Variants in RIMKLA observed in about 807,000 individuals in gnomAD.
RIMKLA encodes the protein N-acetylaspartylglutamate synthase A.
A neutral mutation model predicts 32.7 loss-of-function variants in RIMKLA; 14 were observed. The observed-to-expected ratio is 0.43, with a 90% CI of 0.28 to 0.67. The LOEUF (loss-of-function observed/expected upper bound fraction) is 0.67, where lower values mean the gene tolerates loss of function less well. RIMKLA is among the 30% of genes least tolerant of loss of function. RIMKLA has a pLI of 0.18. For missense variants in RIMKLA, 410 were observed against 519.0 expected (o/e 0.79, Z 2.04); for synonymous variants, 176 against 204.1 (o/e 0.86, Z 1.18).
At position 42,424,000 on chromosome 1, in the gene RIMKLA, C is replaced by G. The variant is rs1202116231; in HGVS notation, c.*9026C>G. 6.6e-6 allele frequency among the ~76,000 whole-genome samples: 1 copy of G among 152,128 alleles called. No individual in the cohort carries two copies. Among genetic ancestry groups the G allele is most frequent in the Non-Finnish European group, 1.5e-5 (1 of 68,038 alleles). The stretch of plus-strand genomic sequence containing the variant: ...AACCTTGGAGTGGCAGCACTTGTGT[C>G]ACATCTAAAGGCACTCCTCTGACTA... On this transcript the variant is annotated 3_prime_UTR_variant, in exon 5 of 5. Coordinates refer to ENST00000431473, the MANE Select transcript of RIMKLA (RefSeq NM_173642.4).
intron 1 of RIMKLA, among the ~76,000 whole-genome samples, chr1:42,389,892 C>T (rs1557751533): frequency 6.6e-6 from 1 of 151,918 alleles, no homozygotes; most frequent in Non-Finnish European, 1.5e-5. Flanking sequence ...GCATTAGCAA[C>T]CCCAATAAGA....
In RIMKLA at chr1:42,423,668, A is replaced by C. The variant is rs1296051531; in HGVS notation, c.*8694A>C. ...TCTTGGGATTTCCTCTCCTCAAAGA[A>C]TAAGCCTGTGACACTTCCCCTTCTA... On this transcript the variant is annotated 3_prime_UTR_variant, in exon 5 of 5. Transcript: ENST00000431473. Among the ~76,000 whole-genome samples the C allele has an allele frequency of 6.6e-6, 1 of 152,186 alleles. No individual in the cohort carries two copies. The highest frequency in any genetic ancestry group is 2.4e-5 in the African/African-American group (1 of 41,446).
At chr1:42,389,670 C>T (rs1035945901) in intron 1 of RIMKLA, among the ~76,000 whole-genome samples, 3 of 151,936 alleles carry the variant, frequency 2.0e-5, no homozygotes, top group African/African-American at 2.4e-5. Context: ...AAAATTTAGC[C>T]GGGCGTGGTG....
Position 42,414,896 on chromosome 1 carries a change from G to A in RIMKLA, c.1098G>A (p.Met366Ile). 6.2e-7 allele frequency: 1 copy of A among 1,614,138 alleles called. No homozygotes were observed. Among genetic ancestry groups the A allele is most frequent in the South Asian group, 1.1e-5 (1 of 91,072 alleles). Residue 366 changes from methionine (M) to isoleucine (I), a missense_variant, in exon 5 of 5, where the codon ATG (methionine) becomes ATA (isoleucine). Transcript: ENST00000431473. ...GEIRDSSAST[M>I]GAPPSMLPEP... The stretch of plus-strand genomic sequence containing the variant: ...TCCGGGATTCCTCAGCAAGCACAAT[G>A]GGGGCCCCACCCTCCATGCTGCCCG...
In RIMKLA at chr1:42,415,160, AT is replaced by A. The variant is rs1643235350; in HGVS notation, c.*187del. Reference sequence around the variant, plus strand: ...CTTTGTGGTTTTTACAAAGACAAATATAAAAACACTCAAGAACAACGTCCCG... The same window carrying A: ...CTTTGTGGTTTTTACAAAGACAAATAAAAAACACTCAAGAACAACGTCCCG... On this transcript the variant is annotated 3_prime_UTR_variant, in exon 5 of 5. Transcript: ENST00000431473. 1 of 584,280 alleles carries A rather than the reference AT, an allele frequency of 1.7e-6. No homozygotes were observed. The highest frequency in any genetic ancestry group is 2.9e-6 in the Non-Finnish European group (1 of 348,954). 36.2% of individuals were successfully genotyped at this position (584,280 alleles called of 1,614,324 possible). A position where few individuals can be genotyped will look rare whatever the true frequency, so the allele number is the denominator to read the frequency against.
intron 2 of RIMKLA, among the ~76,000 whole-genome samples, chr1:42,403,910 C>T (rs949886338): frequency 7.9e-5 from 12 of 152,352 alleles, no homozygotes; most frequent in African/African-American, 2.9e-4. Context: ...TCCCCCACTT[C>T]CTTGCTAGCC....
chr1:42,385,472 C>T (rs1308617027), intron 1 of RIMKLA, among the ~76,000 whole-genome samples: 1 of 152,082 alleles, frequency 6.6e-6, no homozygotes, highest in African/African-American at 2.4e-5. Flanking sequence ...TTCAGCATTC[C>T]TTCCCTTACA....
intron 2 of RIMKLA, among the ~76,000 whole-genome samples, chr1:42,402,054 C>G (rs1643101816): frequency 6.6e-6 from 1 of 152,196 alleles, no homozygotes; most frequent in Admixed American, 6.5e-5. Context: ...GAGTTCCCTT[C>G]TTACAAAACA....
At chr1:42,391,683 T>C (rs942987625) in intron 1 of RIMKLA, among the ~76,000 whole-genome samples, 1 of 152,038 alleles carries the variant, frequency 6.6e-6, no homozygotes, top group African/African-American at 2.4e-5. Flanking sequence ...GTGTCAGAGC[T>C]ATATGGGGTA....
intron 1 of RIMKLA, among the ~76,000 whole-genome samples, chr1:42,394,954 G>A (rs1287276347): frequency 6.6e-6 from 1 of 152,088 alleles, no homozygotes. Flanking sequence ...GGCCAGACTG[G>A]TCTTAAACTC....
chr1:42,399,604 G>T lies in RIMKLA; in HGVS notation c.364G>T (p.Gly122Trp). ...FWTFQELAGH[G>W]VPMPDTFSYG... ...GACGTTCCAAGAACTGGCTGGACATGGGGTCCCCATGCCAGACACCTTCTC... is the reference window on the plus strand; with the variant it reads ...GACGTTCCAAGAACTGGCTGGACATTGGGTCCCCATGCCAGACACCTTCTC... The change falls in exon 2 of 5, where the codon GGG becomes TGG. Residue 122 changes from glycine (G) to tryptophan (W), a missense_variant. Gly to Trp is a radical substitution (Grantham distance 184, BLOSUM62 -2). Transcript: ENST00000431473. The T allele has an allele frequency of 6.2e-7, 1 of 1,610,856 alleles. No individual in the cohort carries two copies. Among genetic ancestry groups the T allele is most frequent in the Non-Finnish European group, 8.5e-7 (1 of 1,178,582 alleles).
At position 42,417,406 on chromosome 1, in the gene RIMKLA, T is replaced by C. The variant is rs920037835; in HGVS notation, c.*2432T>C. 1 of 152,206 alleles carries C rather than the reference T, an allele frequency of 6.6e-6. No individual in the cohort carries two copies. The highest frequency in any genetic ancestry group is 1.5e-5 in the Non-Finnish European group (1 of 68,040). 9.4% of individuals were successfully genotyped at this position (152,206 alleles called of 1,614,324 possible). ...GTGAGCCTCAGCCAGGTGGCCAGGC[T>C]ATACTTGTCACAGCTGGCCACAGGC... On this transcript the variant is annotated 3_prime_UTR_variant, in exon 5 of 5. Coordinates refer to ENST00000431473, the MANE Select transcript of RIMKLA (RefSeq NM_173642.4).
chr1:42,403,168 C>T (rs577765336), intron 2 of RIMKLA, among the ~76,000 whole-genome samples: 7 of 149,492 alleles, frequency 4.7e-5, no homozygotes, highest in South Asian at 2.1e-4. Flanking sequence ...ATGGGAAAGC[C>T]CTCCAGACTT....
At chr1:42,395,045 T>C (rs556104395) in intron 1 of RIMKLA, among the ~76,000 whole-genome samples, 51 of 152,344 alleles carry the variant, frequency 3.3e-4, no homozygotes, top group African/African-American at 1.1e-3. Flanking sequence ...CGCCTAGTTA[T>C]GTAGAATTTA....
chr1:42,411,696 CAG>C (rs1643200145), intron 4 of RIMKLA, among the ~76,000 whole-genome samples: 1 of 149,580 alleles, frequency 6.7e-6, no homozygotes, highest in African/African-American at 2.5e-5. Context: ...ATTTTTGAGA[CAG>C]AGTCTCGCTC....
intron 1 of RIMKLA, among the ~76,000 whole-genome samples, chr1:42,391,712 T>C (rs1279048180): frequency 6.6e-6 from 1 of 152,086 alleles, no homozygotes; most frequent in Non-Finnish European, 1.5e-5. Flanking sequence ...AGGGAAATGA[T>C]GTGGCCTCAG....
chr1:42,415,111 C>T lies in RIMKLA; in HGVS notation c.*137C>T, dbSNP rs1265774688. On this transcript the variant is annotated 3_prime_UTR_variant, in exon 5 of 5. Coordinates refer to ENST00000431473, the MANE Select transcript of RIMKLA (RefSeq NM_173642.4). Reference sequence around the variant, plus strand: ...TCTGGGCACTCAGCATTTTTTCTAACGATGATTTAAGCAAATGGCCTAGCT... The same window carrying T: ...TCTGGGCACTCAGCATTTTTTCTAATGATGATTTAAGCAAATGGCCTAGCT... 2.3e-5 allele frequency: 22 copies of T among 973,888 alleles called. 1 individual carries two copies. The highest frequency in any genetic ancestry group is 1.0e-4 in the South Asian group (6 of 58,948). The allele number at this position is 973,888 out of a possible 1,614,324, so 60.3% of individuals were successfully genotyped here.
intron 3 of RIMKLA, among the ~76,000 whole-genome samples, chr1:42,407,451 T>A (rs1643157405): frequency 6.6e-6 from 1 of 152,162 alleles, no homozygotes; most frequent in Non-Finnish European, 1.5e-5. Flanking sequence ...AGCTTCATAG[T>A]TTTAGCCCTT....
rs781337196 is a variant in RIMKLA at position 42,414,653 on chromosome 1, G to A, written c.855G>A (p.Gln285=). ...NANVGFLAFD[Q]ACNLDVGGII... ...ATGTTGGCTTCCTAGCCTTTGACCA[G>A]GCATGCAACTTAGATGTGGGTGGGA... Residue 285 remains glutamine (Q), a synonymous_variant, in exon 5 of 5, where the codon CAG becomes CAA. Transcript: ENST00000431473. 11 of 1,614,202 alleles carry A rather than the reference G, an allele frequency of 6.8e-6. No homozygotes were observed. The highest frequency in any genetic ancestry group is 9.3e-6 in the Non-Finnish European group (11 of 1,180,030).
Sources: gnomAD v4.1 joint callset for allele counts (sites outside exome capture counted in the v4.1 genomes callset) on GRCh38, gnomAD v4.1.1 for gene constraint, MANE v1.5 for transcripts, NCBI Gene and HGNC (gene_info 2026-07-23, HGNC 2026-07-21) for gene names.